The following GMPR variants were observed in gnomAD, a reference collection of about 807,000 sequenced individuals.
GMPR encodes GMP reductase 1.
Under a neutral mutation model 38.4 loss-of-function variants are expected in GMPR, and 31 were observed. That is an observed-to-expected ratio of 0.81 (90% confidence interval 0.61 to 1.09). The LOEUF (loss-of-function observed/expected upper bound fraction) is 1.09. Among genes scored for constraint, GMPR ranks in the 50% least tolerant of loss-of-function variants. The pLI, the probability that GMPR is intolerant of heterozygous loss-of-function variation, is 0.00. For synonymous variants in GMPR, 162 were observed against 173.3 expected (o/e 0.93, Z 0.51); for missense variants, 468 against 453.7 (o/e 1.03, Z -0.29).
At chr6:16,251,006 G>A (rs1758864191) in intron 3 of GMPR, among the ~76,000 whole-genome samples, 1 of 152,154 alleles carries the variant, frequency 6.6e-6, no homozygotes, top group Non-Finnish European at 1.5e-5. Context: ...TTAACCATAA[G>A]AGTTGCCATG....
intron 1 of GMPR, among the ~76,000 whole-genome samples, chr6:16,241,907 T>G (rs1758655798): frequency 6.6e-6 from 1 of 151,828 alleles, no homozygotes; most frequent in African/African-American, 2.4e-5. Context: ...CTCTGCTAAT[T>G]TTTGTATTTT....
intron 1 of GMPR, among the ~76,000 whole-genome samples, chr6:16,242,542 G>T (rs1263431225): frequency 6.6e-6 from 1 of 152,130 alleles, no homozygotes; most frequent in Non-Finnish European, 1.5e-5. Flanking sequence ...AGCTTCTGCT[G>T]GTTTGCTGAC....
Position 16,263,930 on chromosome 6 carries a change from G to A in GMPR, c.465+9195G>A, listed in dbSNP as rs150836663. Among the ~76,000 whole-genome samples, 802 of 151,910 alleles carry A rather than the reference G, an allele frequency of 5.3e-3. 45 individuals carry two copies. Among genetic ancestry groups the A allele is most frequent in the Admixed American group, 0.046 (692 of 15,056 alleles). On this transcript the variant is annotated intron_variant, in intron 4 of 8. Coordinates refer to ENST00000259727, the MANE Select transcript of GMPR (RefSeq NM_006877.4). ...AGTGGGACTTGCCGCTAAGTGTGAAGGAGAAGGGGTTGGGGGTTTCTTGCC... is the reference window on the plus strand; with the variant it reads ...AGTGGGACTTGCCGCTAAGTGTGAAAGAGAAGGGGTTGGGGGTTTCTTGCC...
intron 4 of GMPR, among the ~76,000 whole-genome samples, chr6:16,270,380 G>A (rs376255001): frequency 4.6e-5 from 7 of 152,298 alleles, no homozygotes; most frequent in African/African-American, 1.7e-4. Context: ...CTGCCTGGGT[G>A]ACTGAGCCTG....
rs965281627 is a variant in GMPR, at chr6:16,238,738, C to T, written c.45C>T (p.Val15=). The change falls in exon 1 of 9, where the codon GTC becomes GTT. Residue 15 remains valine (V), a synonymous_variant. Coordinates refer to ENST00000259727, the MANE Select transcript of GMPR (RefSeq NM_006877.4). Reference sequence around the variant, plus strand: ...ACCTCAAGCTCGACTTCAAGGATGTCCTGCTCCGACCTAAGCGGAGCAGCC... The same window carrying T: ...ACCTCAAGCTCGACTTCAAGGATGTTCTGCTCCGACCTAAGCGGAGCAGCC... ...DADLKLDFKD[V]LLRPKRSSLK... 15 of 1,470,542 alleles carry T rather than the reference C, an allele frequency of 1.0e-5. No homozygotes were observed. The African/African-American group carries it at 2.0e-4, about 20-fold the overall frequency. The allele number at this position is 1,470,542 out of a possible 1,614,324, so 91.1% of individuals were successfully genotyped here.
intron 8 of GMPR, among the ~76,000 whole-genome samples, chr6:16,292,425 T>C (rs974686425): frequency 2.0e-5 from 3 of 151,996 alleles, no homozygotes; most frequent in African/African-American, 7.2e-5. Flanking sequence ...AAAGATATTA[T>C]AGTATGGGAA....
At chr6:16,277,582 A>G (rs1018106855) in intron 5 of GMPR, among the ~76,000 whole-genome samples, 1 of 152,186 alleles carries the variant, frequency 6.6e-6, no homozygotes, top group Non-Finnish European at 1.5e-5. Context: ...TTCAGTGACT[A>G]TTTATAGTGC....
rs199783538 is a variant in GMPR, at chr6:16,290,525, A to C, written c.761A>C (p.Glu254Ala). The C allele has an allele frequency of 2.5e-4, 399 of 1,613,872 alleles. No homozygotes were observed. The highest frequency in any genetic ancestry group is 6.6e-4 in the Middle Eastern group (4 of 6,062). ...MFSGHTECAG[E>A]VFERNGRKLK... ...TCGGGTCATACGGAGTGTGCTGGAG[A>C]AGTGTTTGAGAGGAACGGACGGAAG... The change falls in exon 8 of 9, where the codon GAA becomes GCA. Residue 254 changes from glutamate (E) to alanine (A), a missense_variant. Physicochemically the swap from Glu to Ala is moderately radical, Grantham distance 107. Coordinates refer to ENST00000259727, the MANE Select transcript of GMPR (RefSeq NM_006877.4).
intron 7 of GMPR, among the ~76,000 whole-genome samples, chr6:16,286,741 A>G (rs928262351): frequency 6.6e-6 from 1 of 151,600 alleles, no homozygotes; most frequent in African/African-American, 2.4e-5. Context: ...CATCTCTACT[A>G]AAAATACAAA....
intron 6 of GMPR, among the ~76,000 whole-genome samples, chr6:16,281,578 T>G (rs1759574734): frequency 6.6e-6 from 1 of 152,168 alleles, no homozygotes; most frequent in African/African-American, 2.4e-5. Flanking sequence ...TGATCTCAGC[T>G]CCCTGCTAGA....
chr6:16,294,913 C>A, intron 8 of GMPR, 93 bp from the exon 9 acceptor site: 1 of 981,302 alleles, frequency 1.0e-6, no homozygotes, highest in Non-Finnish European at 1.6e-6. Flanking sequence ...GCCTTGGGGG[C>A]TACAGAAAGT....
intron 4 of GMPR, among the ~76,000 whole-genome samples, chr6:16,268,498 C>G (rs1192481677): frequency 6.6e-6 from 1 of 152,120 alleles, no homozygotes; most frequent in African/African-American, 2.4e-5. Context: ...AGGCTGGTCT[C>G]GAACTCCTGA....
intron 4 of GMPR, among the ~76,000 whole-genome samples, chr6:16,259,764 C>T (rs527951753): frequency 0.013 from 1,943 of 152,162 alleles, 16 homozygotes; most frequent in Non-Finnish European, 0.018. Flanking sequence ...TTGGGAGGAC[C>T]TAGGACATCT....
intron 1 of GMPR, among the ~76,000 whole-genome samples, chr6:16,246,257 C>G (rs1010924249): frequency 2.6e-5 from 4 of 152,124 alleles, no homozygotes; most frequent in African/African-American, 9.7e-5. Context: ...AGAATTGGAG[C>G]CCCCTGACCT....
At chr6:16,278,585 A>AGG (rs998507955) in intron 5 of GMPR, among the ~76,000 whole-genome samples, 199 bp from the exon 6 acceptor site, 4 of 152,064 alleles carry the variant, frequency 2.6e-5, no homozygotes, top group Non-Finnish European at 4.4e-5. Flanking sequence ...TGAGGACCGG[A>AGG]GGGGGTGCAT....
At chr6:16,251,369 G>C (rs1199120994) in intron 3 of GMPR, among the ~76,000 whole-genome samples, 3 of 152,178 alleles carry the variant, frequency 2.0e-5, no homozygotes, top group African/African-American at 7.2e-5. Context: ...TCGGGAGTTC[G>C]AGTCCAACCT....
Position 16,272,229 on chromosome 6 carries a change from CAAAA to C in GMPR, c.466-2181_466-2178del, listed in dbSNP as rs371939470. ...CTCAAAAGCAAAACAAAACAAAAAA[CAAAA>C]AAAACACTCTTAAAAACATCACATG... On this transcript the variant is annotated intron_variant, in intron 4 of 8. Transcript: ENST00000259727. 9.1e-3 allele frequency among the ~76,000 whole-genome samples: 1,385 copies of C among 151,694 alleles called. 16 individuals carry two copies. Among genetic ancestry groups the C allele is most frequent in the African/African-American group, 0.032 (1,323 of 41,348 alleles).
intron 3 of GMPR, among the ~76,000 whole-genome samples, chr6:16,253,516 T>A (rs1280413250): frequency 6.6e-6 from 1 of 152,062 alleles, no homozygotes; most frequent in South Asian, 2.1e-4. Flanking sequence ...CCAGATCTCC[T>A]GTGAACTCAG....
chr6:16,281,629 C>G (rs1317403475), intron 6 of GMPR, among the ~76,000 whole-genome samples: 1 of 152,018 alleles, frequency 6.6e-6, no homozygotes, highest in African/African-American at 2.4e-5. Flanking sequence ...CTCAGCCTCC[C>G]GAGTAGCTGG....
Sources: allele counts gnomAD v4.1 joint callset (sites outside exome capture counted in the v4.1 genomes callset), GRCh38; gene constraint gnomAD v4.1.1; transcripts MANE v1.5; gene names NCBI Gene and HGNC (gene_info 2026-07-23, HGNC 2026-07-21).